PRPF39: variants seen among roughly 807,000 people sequenced by gnomAD.
The protein encoded by PRPF39 is pre-mRNA processing factor 39, also known as pre-mRNA-processing factor 39.
A neutral mutation model predicts 82.1 loss-of-function variants in PRPF39; 27 were observed. That is an observed-to-expected ratio of 0.33 (90% CI 0.24 to 0.45). The LOEUF is 0.45. Among genes scored for constraint, PRPF39 ranks in the 20% least tolerant of loss-of-function variants. PRPF39 has a pLI of 1.00. For synonymous variants in PRPF39, 261 were observed against 256.4 expected, an observed-to-expected ratio of 1.02 and a Z score of -0.17; for missense variants, 581 against 796.9, an observed-to-expected ratio of 0.73 and a Z score of 3.26.
At chr14:45,112,873 AGGAGTGCTATTTTCTGAGATT>A (rs1273062495) in intron 11 of PRPF39, among the ~76,000 whole-genome samples, 1 of 152,232 alleles carries the variant, frequency 6.6e-6, no homozygotes, top group Non-Finnish European at 1.5e-5. Flanking sequence ...AATCTCCAGT[AGGAGTGCTATTTTCTGAGATT>A]GGAGAAGAGG....
chr14:45,109,669 C>T lies in PRPF39; in HGVS notation c.1065C>T (p.Asn355=), dbSNP rs775975519. ...VKPLEKAQLK[N]WKEYLEFEIE... is the part of the protein sequence containing the mutation. ...CTTTGGAAAAGGCACAACTAAAAAA[C>T]TGGAAAGAATACTTAGAATTTGAAA... Residue 355 remains asparagine (N), a synonymous_variant, in exon 8 of 14, where the codon AAC becomes AAT. Coordinates refer to ENST00000355765, the MANE Select transcript of PRPF39 (RefSeq NM_017922.4). 2.2e-5 allele frequency: 35 copies of T among 1,607,984 alleles called. No individual in the cohort carries two copies. Among genetic ancestry groups the T allele is most frequent in the Non-Finnish European group, 2.5e-5 (30 of 1,176,606 alleles).
At chr14:45,088,860 C>A (rs1009926141) in intron 1 of PRPF39, among the ~76,000 whole-genome samples, 1 of 152,104 alleles carries the variant, frequency 6.6e-6, no homozygotes, top group Non-Finnish European at 1.5e-5. Context: ...TGTCATAAAA[C>A]CATATACTTT....
At chr14:45,112,543 G>A in intron 11 of PRPF39, 41 bp downstream of exon 11, 1 of 1,410,216 alleles carries the variant, frequency 7.1e-7, no homozygotes, top group Middle Eastern at 2.2e-4. Flanking sequence ...TGATAAATGA[G>A]CATTGATATT....
At chr14:45,096,060 C>G in intron 2 of PRPF39, 43 bp from the exon 3 acceptor site, 2 of 1,460,646 alleles carry the variant, frequency 1.4e-6, no homozygotes, top group Non-Finnish European at 1.8e-6. Context: ...ATTTTTTTGA[C>G]AGAAATTTCC....
chr14:45,084,562 C>T (rs369120127), intron 1 of PRPF39, among the ~76,000 whole-genome samples: 1 of 152,296 alleles, frequency 6.6e-6, no homozygotes, highest in African/African-American at 2.4e-5. Flanking sequence ...GCCCTTGCTT[C>T]TCCCGGAGCT....
At chr14:45,109,456 A>G (rs2139063925) in intron 7 of PRPF39, among the ~76,000 whole-genome samples, 160 bp from the exon 8 acceptor site, 1 of 152,326 alleles carries the variant, frequency 6.6e-6, no homozygotes, top group South Asian at 2.1e-4. Context: ...GTAAAGCTTA[A>G]GGAATTTAAG....
In PRPF39 at chr14:45,115,040, T is replaced by C. The variant is rs895352169; in HGVS notation, c.*127T>C. On this transcript the variant is annotated 3_prime_UTR_variant, in exon 14 of 14. Coordinates refer to ENST00000355765, the MANE Select transcript of PRPF39 (RefSeq NM_017922.4). ...CTGTCTTCCTTGTTTCTGTGTAACA[T>C]GATTTGTTTAGTAATAGGGGGAAAA... 19 of 672,604 alleles carry C rather than the reference T, an allele frequency of 2.8e-5. No individual in the cohort carries two copies. The highest frequency in any genetic ancestry group is 3.9e-5 in the Non-Finnish European group (16 of 413,534). 41.7% of individuals were successfully genotyped at this position (672,604 alleles called of 1,614,324 possible). A position where few individuals can be genotyped will look rare whatever the true frequency, so the allele number is the denominator to read the frequency against.
intron 1 of PRPF39, among the ~76,000 whole-genome samples, chr14:45,092,999 T>C (rs1285775776): frequency 6.6e-6 from 1 of 152,152 alleles, no homozygotes; most frequent in Admixed American, 6.5e-5. Context: ...TAATTGCAGA[T>C]AGGCAAAAAG....
At chr14:45,084,276 T>C (rs1165730519) in intron 1 of PRPF39, 27 bp downstream of exon 1, 1 of 152,766 alleles carries the variant, frequency 6.5e-6, no homozygotes, top group Non-Finnish European at 1.5e-5. Flanking sequence ...TCCTTGAAAT[T>C]AGCTGGGGCA....
rs748098949 is a variant in PRPF39, at chr14:45,116,150, A to G, written c.*1237A>G. ...TAGTTGTGTAAATTTCTTCAAGGCC[A>G]AGTTTTATCATTGTTGCTAATATCC... On this transcript the variant is annotated 3_prime_UTR_variant, in exon 14 of 14. Transcript: ENST00000355765. 7.2e-7 allele frequency: 1 copy of G among 1,381,388 alleles called. No individual in the cohort carries two copies. The highest frequency in any genetic ancestry group is 1.2e-5 in the South Asian group (1 of 83,956). 85.6% of individuals were successfully genotyped at this position (1,381,388 alleles called of 1,614,324 possible). A position where few individuals can be genotyped will look rare whatever the true frequency, so the allele number is the denominator to read the frequency against.
intron 4 of PRPF39, 121 bp from the exon 5 acceptor site, chr14:45,102,408 C>T (rs2139053468): frequency 1.3e-6 from 1 of 782,546 alleles, no homozygotes; most frequent in Middle Eastern, 3.9e-4. Flanking sequence ...TTAATCCCTA[C>T]TTGCATAGGA....
At chr14:45,094,384 C>T (rs569672903) in intron 1 of PRPF39, among the ~76,000 whole-genome samples, 95 of 152,186 alleles carry the variant, frequency 6.2e-4, no homozygotes, top group African/African-American at 2.2e-3. Flanking sequence ...TAGTTATTAT[C>T]CAGACTGTAA....
intron 4 of PRPF39, among the ~76,000 whole-genome samples, chr14:45,098,446 CAAAA>C (rs545851843): frequency 3.6e-5 from 3 of 84,388 alleles, no homozygotes; most frequent in Non-Finnish European, 5.0e-5. Flanking sequence ...GACCCTGTCT[CAAAA>C]AAAAAAAAAA....
intron 6 of PRPF39, among the ~76,000 whole-genome samples, chr14:45,107,842 T>A (rs1308154129): frequency 1.3e-5 from 2 of 151,890 alleles, no homozygotes; most frequent in Non-Finnish European, 2.9e-5. Flanking sequence ...GGTGGGAAGA[T>A]TGCTTGAACC....
intron 11 of PRPF39, among the ~76,000 whole-genome samples, chr14:45,113,121 G>A (rs1479303953): frequency 2.6e-5 from 4 of 152,194 alleles, no homozygotes; most frequent in African/African-American, 9.7e-5. Flanking sequence ...TGTTAGGCAT[G>A]TGCCTTTTAT....
intron 7 of PRPF39, 73 bp from the exon 8 acceptor site, chr14:45,109,543 T>A: frequency 8.0e-7 from 1 of 1,254,478 alleles, no homozygotes; most frequent in Middle Eastern, 2.8e-4. Flanking sequence ...AAATTATTTG[T>A]ATTAACACTG....
chr14:45,104,207 T>G (rs1884457312), intron 5 of PRPF39, among the ~76,000 whole-genome samples: 1 of 152,286 alleles, frequency 6.6e-6, no homozygotes, highest in East Asian at 1.9e-4. Flanking sequence ...TTTCTTTAAG[T>G]TGTCAGTTAC....
chr14:45,116,259 A>G lies in PRPF39; in HGVS notation c.*1346A>G. ...TTTTGCATTTGGTGGAATTCTGTTG[A>G]AGAAGTCAAGGTACATTTGATAAAA... is the stretch of plus-strand genomic sequence containing the variant. On this transcript the variant is annotated 3_prime_UTR_variant, in exon 14 of 14. Coordinates refer to ENST00000355765, the MANE Select transcript of PRPF39 (RefSeq NM_017922.4). The G allele has an allele frequency of 5.0e-6, 8 of 1,611,208 alleles. No individual in the cohort carries two copies. Among genetic ancestry groups the G allele is most frequent in the Non-Finnish European group, 6.8e-6 (8 of 1,177,532 alleles).
intron 1 of PRPF39, among the ~76,000 whole-genome samples, chr14:45,086,973 ATATCTGTT>A (rs1299823673): frequency 6.6e-6 from 1 of 151,266 alleles, no homozygotes; most frequent in East Asian, 1.9e-4. Context: ...TCACTGTGGT[ATATCTGTT>A]TTTCTACATT....
Sources: allele counts gnomAD v4.1 joint callset (sites outside exome capture counted in the v4.1 genomes callset), GRCh38; gene constraint gnomAD v4.1.1; transcripts MANE v1.5; gene names NCBI Gene and HGNC (gene_info 2026-07-23, HGNC 2026-07-21).